Variants in BCL11B observed in about 807,000 individuals in gnomAD.
The protein encoded by BCL11B is B-cell lymphoma/leukemia 11B.
BCL11B carries 8 observed loss-of-function variants against 49.9 expected under a neutral mutation model. The ratio of observed to expected loss-of-function variants is 0.16; its 90% CI spans 0.09 to 0.29. The LOEUF is 0.29. Ranked by LOEUF, BCL11B falls within the 10% of genes least tolerant of loss-of-function variation. BCL11B has a pLI of 1.00. For missense variants in BCL11B, 1,006 were observed against 1,351.0 expected (o/e 0.74, Z 4.00); for synonymous variants, 739 against 637.4 (o/e 1.16, Z -2.40).
At chr14:99,267,914 G>A (rs1195413184) in intron 1 of BCL11B, among the ~76,000 whole-genome samples, 1 of 152,098 alleles carries the variant, frequency 6.6e-6, no homozygotes, top group Non-Finnish European at 1.5e-5. Context: ...ATTTTCCTTG[G>A]TCTCTTCAGA....
chr14:99,225,331 A>G (rs896503801), intron 3 of BCL11B, among the ~76,000 whole-genome samples: 9 of 152,112 alleles, frequency 5.9e-5, no homozygotes, highest in Admixed American at 5.2e-4. Flanking sequence ...CTGGTCTTAG[A>G]TTGTTATAGA....
chr14:99,271,248 G>C lies in BCL11B; in HGVS notation c.-30C>G, dbSNP rs899943870. ...CCGGCATCTATTCTGGCATCGCCCG[G>C]AGAGCTGCACTGATGGGGGGAGCCG... On this transcript the variant is annotated 5_prime_UTR_variant, in exon 1 of 4. Coordinates refer to ENST00000357195, the MANE Select transcript of BCL11B (RefSeq NM_138576.4). 12 of 1,485,530 alleles carry C rather than the reference G, an allele frequency of 8.1e-6. No individual in the cohort carries two copies. Among genetic ancestry groups the C allele is most frequent in the African/African-American group, 2.9e-5 (2 of 69,456 alleles). 92.0% of individuals were successfully genotyped at this position (1,485,530 alleles called of 1,614,324 possible).
intron 2 of BCL11B, among the ~76,000 whole-genome samples, chr14:99,250,317 G>A (rs1245091822): frequency 6.6e-6 from 1 of 151,966 alleles, no homozygotes; most frequent in Non-Finnish European, 1.5e-5. Flanking sequence ...TTACAGGCGT[G>A]AGCCCCCGTG....
chr14:99,216,826 C>T (rs1231527385), intron 3 of BCL11B, among the ~76,000 whole-genome samples: 2 of 152,112 alleles, frequency 1.3e-5, no homozygotes, highest in African/African-American at 2.4e-5. Context: ...TATGCACATA[C>T]ATGCTCACAC....
chr14:99,177,624 T>C (rs972547809), intron 3 of BCL11B, among the ~76,000 whole-genome samples: 1 of 150,492 alleles, frequency 6.6e-6, no homozygotes, highest in African/African-American at 2.5e-5. Context: ...GAAAGATCCC[T>C]TTTGTTTTCT....
At chr14:99,258,868 T>C (rs1889254162) in intron 1 of BCL11B, among the ~76,000 whole-genome samples, 1 of 150,998 alleles carries the variant, frequency 6.6e-6, no homozygotes, top group African/African-American at 2.4e-5. Context: ...TTTATATTTC[T>C]TTAGCAGCCG....
rs190577759 is a variant in BCL11B, at chr14:99,271,757, A to G, written c.-539T>C. On this transcript the variant is annotated 5_prime_UTR_variant, in exon 1 of 4. Coordinates refer to ENST00000357195, the MANE Select transcript of BCL11B (RefSeq NM_138576.4). ...AAAAAATGCAAACAAATAAAAAAAT[A>G]AAAGAAGAAAAAGCAAAGGAAAAAA... is the stretch of plus-strand genomic sequence containing the variant. Among the ~76,000 whole-genome samples the G allele has an allele frequency of 1.4e-5, 2 of 148,122 alleles. No individual in the cohort carries two copies. Among genetic ancestry groups the G allele is most frequent in the Admixed American group, 1.3e-4 (2 of 15,166 alleles).
rs1302337865 is a variant in BCL11B, at chr14:99,175,798, G to A, written c.1038C>T (p.Asp346=). The change falls in exon 4 of 4, where the codon GAC becomes GAT. Residue 346 remains aspartate, a synonymous_variant. Coordinates refer to ENST00000357195, the MANE Select transcript of BCL11B (RefSeq NM_138576.4). ...GLVAQHPSAF[D]RVMRLNPMAI... ...CCATGGGGTTCAGGCGCATGACTCG[G>A]TCGAAGGCACTGGGGTGCTGGGCGA... 7 of 1,473,260 alleles carry A rather than the reference G, an allele frequency of 4.8e-6. No individual in the cohort carries two copies. The South Asian group carries it at 8.4e-5, about 18-fold the overall frequency. The allele number at this position is 1,473,260 out of a possible 1,614,324, so 91.3% of individuals were successfully genotyped here.
intron 3 of BCL11B, among the ~76,000 whole-genome samples, chr14:99,199,682 G>GCA (rs1566806630): frequency 3.6e-5 from 2 of 55,788 alleles, no homozygotes; most frequent in Non-Finnish European, 1.1e-4. Context: ...GTGTGTGTGT[G>GCA]TGCGCGCGCG....
chr14:99,266,749 T>G (rs1324270774), intron 1 of BCL11B, among the ~76,000 whole-genome samples: 1 of 152,234 alleles, frequency 6.6e-6, no homozygotes, highest in Non-Finnish European at 1.5e-5. Flanking sequence ...AGCTGCCAAG[T>G]GGCGCTAGGC....
intron 3 of BCL11B, among the ~76,000 whole-genome samples, chr14:99,209,698 A>G (rs1036788052): frequency 4.6e-5 from 7 of 152,094 alleles, no homozygotes; most frequent in African/African-American, 1.7e-4. Context: ...TGGGGGAAGA[A>G]GCCCGAGGGT....
rs1376191937 is a variant in BCL11B, at chr14:99,195,848, C to T, written c.641-19653G>A. On this transcript the variant is annotated intron_variant, in intron 3 of 3. Coordinates refer to ENST00000357195, the MANE Select transcript of BCL11B (RefSeq NM_138576.4). This position sits in a 1 kb window ranked among gnomAD's most constrained non-coding sequence, Gnocchi z 4.7. ...ACCTGCTAGACTGAGCTGACACAGC[C>T]CTCCTGCCTGCTGCCCAGAAGAGCC... Among the ~76,000 whole-genome samples, 1 of 152,162 alleles carries T rather than the reference C, an allele frequency of 6.6e-6. No homozygotes were observed. The highest frequency in any genetic ancestry group is 1.5e-5 in the Non-Finnish European group (1 of 68,034).
At chr14:99,222,837 CTTTCT>C (rs1278681723) in intron 3 of BCL11B, among the ~76,000 whole-genome samples, 1 of 100,564 alleles carries the variant, frequency 9.9e-6, no homozygotes, top group African/African-American at 4.1e-5. Context: ...CTTTATTTCC[CTTTCT>C]TTCTTTCTTT....
intron 3 of BCL11B, among the ~76,000 whole-genome samples, chr14:99,216,250 G>A (rs1257203287): frequency 6.6e-6 from 1 of 152,192 alleles, no homozygotes; most frequent in African/African-American, 2.4e-5. Flanking sequence ...GAATTGGGGT[G>A]AGGGATGTTG....
chr14:99,209,393 T>C (rs1887625352), intron 3 of BCL11B, among the ~76,000 whole-genome samples: 1 of 151,822 alleles, frequency 6.6e-6, no homozygotes, highest in Non-Finnish European at 1.5e-5. Flanking sequence ...GGCAGAGCCC[T>C]GGGGTGTAAT....
intron 2 of BCL11B, among the ~76,000 whole-genome samples, chr14:99,244,540 G>T (rs558721653): frequency 2.0e-5 from 3 of 152,266 alleles, no homozygotes; most frequent in African/African-American, 7.2e-5. Flanking sequence ...GATATTCAAA[G>T]GCGGATTCTA....
chr14:99,209,759 C>T (rs1332927815), intron 3 of BCL11B, among the ~76,000 whole-genome samples: 1 of 152,164 alleles, frequency 6.6e-6, no homozygotes, highest in Admixed American at 6.5e-5. Context: ...GTTGTCCTCT[C>T]TGCCTCTAAA....
At position 99,257,612 on chromosome 14, in the gene BCL11B, C is replaced by G; in HGVS notation, c.286G>C (p.Asp96His). 1 of 1,614,084 alleles carries G rather than the reference C, an allele frequency of 6.2e-7. No homozygotes were observed. Among genetic ancestry groups the G allele is most frequent in the Non-Finnish European group, 8.5e-7 (1 of 1,179,960 alleles). Residue 96 changes from aspartate to histidine, a missense_variant, in exon 2 of 4, where the codon GAC becomes CAC. Asp to His is a moderately conservative substitution (Grantham distance 81). Transcript: ENST00000357195. The surrounding 1 kb of genome is among the most constrained non-coding windows in gnomAD (Gnocchi z 6.2). The stretch of plus-strand genomic sequence containing the variant: ...GAGCGTGAGGAGGGTGGCGGGCTGT[C>G]CTTGTCCAGGGCCTTGTCATAGCAG... ...GACYDKALDK[D>H]SPPPSSRSEL...
In BCL11B at chr14:99,248,633, G is replaced by A. The variant is rs917729342; in HGVS notation, c.427+8838C>T. On this transcript the variant is annotated intron_variant, in intron 2 of 3. Coordinates refer to ENST00000357195, the MANE Select transcript of BCL11B (RefSeq NM_138576.4). The surrounding 1 kb of genome is among the most constrained non-coding windows in gnomAD (Gnocchi z 4.7). The stretch of plus-strand genomic sequence containing the variant: ...ATAAGGATCTTCACAGCCTGGGGCA[G>A]AAAGACCTAAGCTTTCAATCTAACA... 4.6e-5 allele frequency among the ~76,000 whole-genome samples: 7 copies of A among 152,216 alleles called. No homozygotes were observed. Among genetic ancestry groups the A allele is most frequent in the Admixed American group, 1.3e-4 (2 of 15,292 alleles).
Sources: allele counts gnomAD v4.1 joint callset (sites outside exome capture counted in the v4.1 genomes callset), GRCh38; gene constraint gnomAD v4.1.1; non-coding constraint Gnocchi (gnomAD v3.1); transcripts MANE v1.5; gene names NCBI Gene and HGNC (gene_info 2026-07-23, HGNC 2026-07-21).